The following PTN variants were observed in gnomAD, a reference collection of about 807,000 sequenced individuals.
The protein encoded by PTN is pleiotrophin, also known as heparin affin regulatory protein.
In PTN, 18 loss-of-function variants were observed where a neutral mutation model predicts 24.1. The observed-to-expected ratio is 0.75, with a 90% CI of 0.52 to 1.11. The LOEUF (loss-of-function observed/expected upper bound fraction) is 1.11, where lower values mean the gene tolerates loss of function less well. PTN is among the 50% of genes least tolerant of loss of function. PTN has a pLI of 0.00. For missense variants in PTN, 163 were observed against 198.8 expected (o/e 0.82, Z 1.08); for synonymous variants, 78 against 68.6 (o/e 1.14, Z -0.67).
At chr7:137,281,717 TAAGTGC>T (rs1809477819) in intron 1 of PTN, among the ~76,000 whole-genome samples, 1 of 152,168 alleles carries the variant, frequency 6.6e-6, no homozygotes, top group African/African-American at 2.4e-5. Context: ...CTTCTTCAAA[TAAGTGC>T]TTAAGACACT....
At chr7:137,314,431 A>G (rs1269154715) in intron 1 of PTN, among the ~76,000 whole-genome samples, 1 of 152,226 alleles carries the variant, frequency 6.6e-6, no homozygotes, top group African/African-American at 2.4e-5. Context: ...AGCACAATGC[A>G]AAGTTTACAT....
chr7:137,305,622 T>G (rs1432329223), intron 1 of PTN, among the ~76,000 whole-genome samples: 1 of 152,080 alleles, frequency 6.6e-6, no homozygotes, highest in African/African-American at 2.4e-5. Flanking sequence ...ATTTCATCTC[T>G]ACTGACACTC....
intron 1 of PTN, among the ~76,000 whole-genome samples, chr7:137,335,156 C>T (rs941330426): frequency 6.6e-6 from 1 of 151,276 alleles, no homozygotes; most frequent in South Asian, 2.1e-4. Context: ...AACTAACCTG[C>T]ACATTGTGCA....
chr7:137,235,106 T>C (rs1808496575), intron 4 of PTN, among the ~76,000 whole-genome samples: 1 of 152,094 alleles, frequency 6.6e-6, no homozygotes, highest in South Asian at 2.1e-4. Context: ...TTTTGGAGAC[T>C]TGTTCAATAA....
At chr7:137,242,392 G>A (rs1207538348) in intron 4 of PTN, among the ~76,000 whole-genome samples, 1 of 152,172 alleles carries the variant, frequency 6.6e-6, no homozygotes, top group Admixed American at 6.5e-5. Context: ...TAACAGCAGC[G>A]TGTGGCTTGG....
intron 4 of PTN, among the ~76,000 whole-genome samples, chr7:137,230,127 C>T (rs554576205): frequency 6.6e-6 from 1 of 151,770 alleles, no homozygotes. Context: ...GAGCAGATGA[C>T]ATACTAACCA....
chr7:137,250,018 C>T (rs1388210572), intron 4 of PTN, among the ~76,000 whole-genome samples: 2 of 151,830 alleles, frequency 1.3e-5, no homozygotes, highest in African/African-American at 4.8e-5. Context: ...TTTTTTTCTA[C>T]TTTTATTTAT....
intron 1 of PTN, among the ~76,000 whole-genome samples, chr7:137,258,970 A>G (rs1246444540): frequency 6.6e-6 from 1 of 152,120 alleles, no homozygotes; most frequent in Non-Finnish European, 1.5e-5. Context: ...CATTCTTTTG[A>G]ATAATTTACT....
At chr7:137,245,305 G>A (rs1010813144) in intron 4 of PTN, among the ~76,000 whole-genome samples, 1 of 152,176 alleles carries the variant, frequency 6.6e-6, no homozygotes, top group South Asian at 2.1e-4. Flanking sequence ...ATACAGTTAC[G>A]CACCACATAG....
At chr7:137,230,798 C>T (rs567709067) in intron 4 of PTN, among the ~76,000 whole-genome samples, 33 of 151,912 alleles carry the variant, frequency 2.2e-4, no homozygotes, top group African/African-American at 3.4e-4. Flanking sequence ...CGTGGTCCAA[C>T]GCCCTTACGT....
Position 137,342,654 on chromosome 7 carries a change from A to C in PTN, c.-2+785T>G, listed in dbSNP as rs1360081534. ...AGGAGTTGAATACATTCCTCTCAAA[A>C]AATGTTTTCTTAACTTATTAGAAAC... On this transcript the variant is annotated intron_variant, in intron 1 of 4. Coordinates refer to ENST00000348225, the MANE Select transcript of PTN (RefSeq NM_002825.7). Among the ~76,000 whole-genome samples, 4 of 152,190 alleles carry C rather than the reference A, an allele frequency of 2.6e-5. No homozygotes were observed. The East Asian group carries it at 7.7e-4, about 29-fold the overall frequency.
chr7:137,256,122 G>A (rs867630917), intron 1 of PTN, among the ~76,000 whole-genome samples: 1 of 151,996 alleles, frequency 6.6e-6, no homozygotes, highest in South Asian at 2.1e-4. Flanking sequence ...TGATATCCTT[G>A]CCCGTGAATT....
intron 1 of PTN, among the ~76,000 whole-genome samples, chr7:137,285,081 C>T (rs1318972635): frequency 6.6e-6 from 1 of 152,040 alleles, no homozygotes; most frequent in Admixed American, 6.5e-5. Context: ...GGTAAGTATA[C>T]ATAAAAAAGC....
intron 1 of PTN, among the ~76,000 whole-genome samples, chr7:137,276,342 C>G (rs1330083264): frequency 6.6e-6 from 1 of 152,202 alleles, no homozygotes; most frequent in Admixed American, 6.5e-5. Context: ...TCAAGGGCAA[C>G]TGCAGAACGT....
intron 1 of PTN, among the ~76,000 whole-genome samples, chr7:137,329,383 T>G (rs1810313313): frequency 6.6e-6 from 1 of 152,094 alleles, no homozygotes; most frequent in African/African-American, 2.4e-5. Flanking sequence ...AGCAACGTTT[T>G]AGAGGTGCTG....
At chr7:137,306,121 C>T (rs1420877515) in intron 1 of PTN, among the ~76,000 whole-genome samples, 1 of 152,110 alleles carries the variant, frequency 6.6e-6, no homozygotes, top group Non-Finnish European at 1.5e-5. Flanking sequence ...TGAGCCAATG[C>T]TGATTTCCAT....
chr7:137,242,596 T>A (rs2128869430), intron 4 of PTN, among the ~76,000 whole-genome samples: 1 of 152,304 alleles, frequency 6.6e-6, no homozygotes, highest in Admixed American at 6.5e-5. Flanking sequence ...ATTTAAAAAG[T>A]AACAACTAAT....
chr7:137,270,507 A>G (rs1809255735), intron 1 of PTN, among the ~76,000 whole-genome samples: 2 of 152,228 alleles, frequency 1.3e-5, no homozygotes, highest in African/African-American at 2.4e-5. Context: ...ACCATATTCA[A>G]TGATCTGTTT....
chr7:137,249,006 C>T (rs1157932466), intron 4 of PTN, among the ~76,000 whole-genome samples: 1 of 151,926 alleles, frequency 6.6e-6, no homozygotes, highest in East Asian at 1.9e-4. Flanking sequence ...CAAACTTAAC[C>T]TTCATTACAT....
Sources: allele counts gnomAD v4.1 joint callset (sites outside exome capture counted in the v4.1 genomes callset), GRCh38; gene constraint gnomAD v4.1.1; transcripts MANE v1.5; gene names NCBI Gene and HGNC (gene_info 2026-07-23, HGNC 2026-07-21).